DNAJC1: variants seen among roughly 807,000 people sequenced by gnomAD.
DNAJC1 encodes dnaJ homolog subfamily C member 1.
A neutral mutation model predicts 76.6 loss-of-function variants in DNAJC1; 58 were observed. The ratio of observed to expected loss-of-function variants is 0.76; its 90% confidence interval spans 0.61 to 0.94. The LOEUF is 0.94. Ranked by LOEUF, DNAJC1 falls within the 40% of genes least tolerant of loss-of-function variation. DNAJC1 has a pLI of 0.00. For missense variants in DNAJC1, 689 were observed against 677.3 expected, an observed-to-expected ratio of 1.02 and a Z score of -0.19; for synonymous variants, 258 against 267.9, an observed-to-expected ratio of 0.96 and a Z score of 0.36.
At chr10:21,874,524 A>C (rs568704500) in intron 8 of DNAJC1, among the ~76,000 whole-genome samples, 1 of 152,200 alleles carries the variant, frequency 6.6e-6, no homozygotes, top group Non-Finnish European at 1.5e-5. Context: ...AAATTAAAGG[A>C]GCAAAATATA....
chr10:21,958,106 C>T (rs1423757482), intron 1 of DNAJC1, among the ~76,000 whole-genome samples: 1 of 152,004 alleles, frequency 6.6e-6, no homozygotes, highest in Non-Finnish European at 1.5e-5. Flanking sequence ...TAAATATATA[C>T]TATTTTAAAA....
intron 9 of DNAJC1, among the ~76,000 whole-genome samples, chr10:21,789,208 T>C (rs1462572135): frequency 1.3e-5 from 2 of 152,214 alleles, no homozygotes; most frequent in African/African-American, 4.8e-5. Flanking sequence ...ATGCTGCTGC[T>C]GCCACAACCA....
At chr10:21,856,267 C>T (rs1356558127) in intron 8 of DNAJC1, among the ~76,000 whole-genome samples, 1 of 152,012 alleles carries the variant, frequency 6.6e-6, no homozygotes, top group Non-Finnish European at 1.5e-5. Flanking sequence ...TAAATATATG[C>T]ATCATTAAAA....
Position 22,003,418 on chromosome 10 carries a change from G to T in DNAJC1, c.17C>A (p.Ser6Tyr), listed in dbSNP as rs1340510445. Residue 6 changes from serine to tyrosine, a missense_variant, in exon 1 of 12, where the codon TCC becomes TAC. Transcript: ENST00000376980. Reference sequence around the variant, plus strand: ...GCGTCCAGGAAGCTGCGCCGGCTGGGAGCAAGGAGCCGTCATCGCGCTGGG... The same window carrying T: ...GCGTCCAGGAAGCTGCGCCGGCTGGTAGCAAGGAGCCGTCATCGCGCTGGG... MTAPC[S>Y]QPAQLPGRRQ... is the part of the protein sequence containing the mutation. 1 of 1,368,202 alleles carries T rather than the reference G, an allele frequency of 7.3e-7. No homozygotes were observed. The highest frequency in any genetic ancestry group is 9.4e-7 in the Non-Finnish European group (1 of 1,063,002). The allele number at this position is 1,368,202 out of a possible 1,614,324, so 84.8% of individuals were successfully genotyped here.
intron 8 of DNAJC1, among the ~76,000 whole-genome samples, chr10:21,813,081 A>G (rs1834997850): frequency 1.0e-5 from 1 of 97,464 alleles, no homozygotes; most frequent in East Asian, 4.7e-4. Flanking sequence ...ATATATATAC[A>G]TATATACACA....
intron 11 of DNAJC1, among the ~76,000 whole-genome samples, chr10:21,757,652 T>A (rs79103431): frequency 0.032 from 4,914 of 152,296 alleles, 129 homozygotes; most frequent in Middle Eastern, 0.068. Flanking sequence ...AGCTATGCTG[T>A]CCCTAACAAC....
At chr10:21,969,119 G>A (rs1203681146) in intron 1 of DNAJC1, among the ~76,000 whole-genome samples, 2 of 151,676 alleles carry the variant, frequency 1.3e-5, no homozygotes, top group East Asian at 3.9e-4. Context: ...AGCTACTCAG[G>A]AGGCTGAGGC....
At chr10:21,830,007 T>C (rs1258588393) in intron 8 of DNAJC1, among the ~76,000 whole-genome samples, 2 of 152,230 alleles carry the variant, frequency 1.3e-5, no homozygotes, top group African/African-American at 4.8e-5. Flanking sequence ...AATCCATATC[T>C]ATCCCCCTCC....
At chr10:21,764,444 G>C (rs1057331522) in intron 10 of DNAJC1, among the ~76,000 whole-genome samples, 1 of 152,090 alleles carries the variant, frequency 6.6e-6, no homozygotes, top group Non-Finnish European at 1.5e-5. Context: ...GCTCACTAAA[G>C]CAACTCTCTT....
chr10:21,809,562 A>T (rs1181955180), intron 8 of DNAJC1, among the ~76,000 whole-genome samples: 1 of 151,338 alleles, frequency 6.6e-6, no homozygotes, highest in Non-Finnish European at 1.5e-5. Context: ...AGATATACAT[A>T]ACACATTAGA....
At chr10:21,870,098 T>C (rs1236708129) in intron 8 of DNAJC1, among the ~76,000 whole-genome samples, 2 of 151,966 alleles carry the variant, frequency 1.3e-5, no homozygotes, top group African/African-American at 4.8e-5. Context: ...TAATATTTCA[T>C]AGGACCAAAG....
At chr10:21,898,604 G>A (rs1275926308) in intron 7 of DNAJC1, among the ~76,000 whole-genome samples, 1 of 149,664 alleles carries the variant, frequency 6.7e-6, no homozygotes, top group East Asian at 2.0e-4. Flanking sequence ...CCAGGCTGGA[G>A]TGCAATGGCG....
At chr10:21,937,518 C>A (rs371958573) in intron 1 of DNAJC1, among the ~76,000 whole-genome samples, 1 of 151,990 alleles carries the variant, frequency 6.6e-6, no homozygotes, top group East Asian at 1.9e-4. Context: ...TCTATAATAA[C>A]GGAAACTTTA....
At chr10:21,849,203 G>C (rs564658490) in intron 8 of DNAJC1, among the ~76,000 whole-genome samples, 2 of 135,040 alleles carry the variant, frequency 1.5e-5, no homozygotes, top group South Asian at 4.9e-4. Context: ...TGAGGCAAGA[G>C]AATCATTTGA....
intron 9 of DNAJC1, among the ~76,000 whole-genome samples, chr10:21,768,542 G>C (rs1259108676): frequency 6.6e-6 from 1 of 152,210 alleles, no homozygotes; most frequent in Non-Finnish European, 1.5e-5. Context: ...ATACCTGGCA[G>C]ACAGTAAAGG....
At chr10:21,989,631 A>G (rs1057414873) in intron 1 of DNAJC1, among the ~76,000 whole-genome samples, 9 of 152,176 alleles carry the variant, frequency 5.9e-5, no homozygotes, top group Non-Finnish European at 1.3e-4. Flanking sequence ...GAAAGTGAGA[A>G]GGACACTGCC....
intron 8 of DNAJC1, among the ~76,000 whole-genome samples, chr10:21,821,125 C>A (rs996369888): frequency 1.3e-5 from 2 of 152,152 alleles, no homozygotes; most frequent in Non-Finnish European, 2.9e-5. Flanking sequence ...ATTCCTTCCT[C>A]CAGAGTATGG....
Position 21,813,188 on chromosome 10 carries a change from CTCTCTCTCT to C in DNAJC1, c.979-7098_979-7090del, listed in dbSNP as rs1835007225. Among the ~76,000 whole-genome samples the C allele has an allele frequency of 1.4e-4, 6 of 43,816 alleles. No individual in the cohort carries two copies. In the South Asian group the frequency reaches 4.8e-3, roughly 35 times the overall value. The allele number at this position is 43,816 out of a possible 152,430, so 28.7% of individuals were successfully genotyped here. A position where few individuals can be genotyped will look rare whatever the true frequency, so the allele number is the denominator to read the frequency against. On this transcript the variant is annotated intron_variant, in intron 8 of 11. Coordinates refer to ENST00000376980, the MANE Select transcript of DNAJC1 (RefSeq NM_022365.4). The stretch of plus-strand genomic sequence containing the variant: ...TCTCTCTCTCTCCCTCTCTCTCTCT[CTCTCTCTCT>C]CTCTCTCTCTCTCTCTCTCTCTCTA...
intron 1 of DNAJC1, among the ~76,000 whole-genome samples, chr10:21,990,513 A>C (rs1838311203): frequency 6.6e-6 from 1 of 152,186 alleles, no homozygotes; most frequent in African/African-American, 2.4e-5. Context: ...AGCATGTTGA[A>C]AGTAGATAAG....
Sources: allele counts gnomAD v4.1 joint callset (sites outside exome capture counted in the v4.1 genomes callset), GRCh38; gene constraint gnomAD v4.1.1; transcripts MANE v1.5; gene names NCBI Gene and HGNC (gene_info 2026-07-23, HGNC 2026-07-21).